The following FANCA variants were observed in gnomAD, a reference collection of about 807,000 sequenced individuals.
FANCA encodes Fanconi anemia group A protein.
A neutral mutation model predicts 194.3 loss-of-function variants in FANCA; 236 were observed. The observed-to-expected ratio is 1.21, with a 90% confidence interval of 1.09 to 1.35. The LOEUF (loss-of-function observed/expected upper bound fraction) is 1.35. FANCA is among the 40% of genes most tolerant of loss of function. The pLI is 0.00. For synonymous variants in FANCA, 1,014 were observed against 715.8 expected (o/e 1.42, Z -6.65); for missense variants, 2,628 against 1,813.9 (o/e 1.45, Z -8.15).
intron 42 of FANCA, 32 bp from the exon 43 acceptor site, chr16:89,738,740 C>G (rs778452514): frequency 6.2e-7 from 1 of 1,612,574 alleles, no homozygotes; most frequent in Non-Finnish European, 8.5e-7. Flanking sequence ...TCAGCCCATG[C>G]CGCCCACTAG....
chr16:89,802,710 C>T (rs2040499017), intron 8 of FANCA, among the ~76,000 whole-genome samples: 1 of 151,598 alleles, frequency 6.6e-6, no homozygotes, highest in Non-Finnish European at 1.5e-5. Flanking sequence ...GCCAGCTATT[C>T]TTTTTTTTTA....
intron 37 of FANCA, among the ~76,000 whole-genome samples, chr16:89,741,094 G>C (rs1333606617): frequency 6.6e-6 from 1 of 152,216 alleles, no homozygotes; most frequent in African/African-American, 2.4e-5. Context: ...GCTAGAAACA[G>C]TTTGAAAAAG....
chr16:89,805,021 A>G (rs1460373621), intron 7 of FANCA, among the ~76,000 whole-genome samples: 6 of 152,152 alleles, frequency 3.9e-5, no homozygotes, highest in Admixed American at 6.6e-5. Context: ...GGGCGACAGA[A>G]GGAAGCAGCT....
In FANCA at chr16:89,758,825, T is replaced by C. The variant is rs2038849097; in HGVS notation, c.2853-120A>G. ...GCACTAGTGAGAGCTGGGTTGAGAC[T>C]GGCGGCTCGGGACCTTGGAGTAGGG... On this transcript the variant is annotated intron_variant, in intron 29 of 42. Coordinates refer to ENST00000389301, the MANE Select transcript of FANCA (RefSeq NM_000135.4). 10 of 1,505,428 alleles carry C rather than the reference T, an allele frequency of 6.6e-6. 1 individual carries two copies. In the South Asian group the frequency reaches 1.1e-4, roughly 17 times the overall value. 93.3% of individuals were successfully genotyped at this position (1,505,428 alleles called of 1,614,324 possible). A position where few individuals can be genotyped will look rare whatever the true frequency, so the allele number is the denominator to read the frequency against.
At chr16:89,759,957 G>GCGGGACCGGGGTGCTCCACCCACGCTGTC (rs1355050505) in intron 29 of FANCA, among the ~76,000 whole-genome samples, 36 of 150,218 alleles carry the variant, frequency 2.4e-4, no homozygotes, top group East Asian at 2.4e-3. Context: ...CCCACGCTGT[G>GCGGGACCGGGGTGCTCCACCCACGCTGTC]CGGGACCGGG....
At chr16:89,782,711 C>A in intron 17 of FANCA, 148 bp downstream of exon 17, 1 of 704,560 alleles carries the variant, frequency 1.4e-6, no homozygotes, top group Non-Finnish European at 2.5e-6. Context: ...CACAGAGGCC[C>A]GCAGAGCCTC....
At chr16:89,786,058 A>AC (rs1460057144) in intron 14 of FANCA, among the ~76,000 whole-genome samples, 1 of 135,490 alleles carries the variant, frequency 7.4e-6, no homozygotes, top group African/African-American at 2.9e-5. Context: ...TCACTCTGTC[A>AC]TCCAGGCTGG....
Position 89,742,842 on chromosome 16 carries a change from G to A in FANCA, c.3723C>T (p.Asn1241=), listed in dbSNP as rs202107465. The A allele has an allele frequency of 3.9e-5, 63 of 1,614,138 alleles. No individual in the cohort carries two copies. In the Admixed American group the frequency reaches 1.0e-3, roughly 26 times the overall value. ...CCAGCTTCTTTAGCTGCTTCCTGAT[G>A]TTTTCTTCCCTGACTTGTTGAATCG... ...HFAIQQVREE[N]IRKQLKKLDC... The change falls in exon 37 of 43, where the codon AAC becomes AAT. Residue 1241 remains asparagine (N), a synonymous_variant. Transcript: ENST00000389301.
chr16:89,811,049 G>A lies in FANCA; in HGVS notation c.306C>T (p.Ala102=), dbSNP rs2040860509. Residue 102 remains alanine (A), a synonymous_variant, in exon 4 of 43, where the codon GCC becomes GCT. Coordinates refer to ENST00000389301, the MANE Select transcript of FANCA (RefSeq NM_000135.4). The part of the protein sequence containing the change: ...SFIGSALQDQ[A]SRLGVPVGIL... The stretch of plus-strand genomic sequence containing the variant: ...TACCCACGGGAACCCCCAGCCTTGA[G>A]GCTTGATCCTGCAAAGCAGAGCCTT... 1.2e-6 allele frequency: 2 copies of A among 1,614,012 alleles called. No homozygotes were observed. Among genetic ancestry groups the A allele is most frequent in the East Asian group, 2.2e-5 (1 of 44,892 alleles).
chr16:89,775,669 C>G, intron 21 of FANCA, 73 bp downstream of exon 21: 1 of 1,274,550 alleles, frequency 7.8e-7, no homozygotes, highest in South Asian at 1.3e-5. Flanking sequence ...GGTGGTGTAG[C>G]ACAACAGACA....
intron 12 of FANCA, among the ~76,000 whole-genome samples, 167 bp from the exon 13 acceptor site, chr16:89,792,235 G>A (rs951335078): frequency 6.6e-6 from 1 of 152,138 alleles, no homozygotes; most frequent in African/African-American, 2.4e-5. Context: ...TCCCCTCACA[G>A]TGGCCAGCAC....
chr16:89,808,243 A>G (rs2040739163), intron 6 of FANCA, 51 bp downstream of exon 6: 4 of 1,539,650 alleles, frequency 2.6e-6, no homozygotes, highest in East Asian at 4.5e-5. Flanking sequence ...TATAATTTAT[A>G]CTAGACTAGA....
intron 10 of FANCA, among the ~76,000 whole-genome samples, chr16:89,797,057 G>A (rs1445487491): frequency 6.6e-6 from 1 of 152,210 alleles, no homozygotes; most frequent in Non-Finnish European, 1.5e-5. Context: ...CTACTCGGGA[G>A]ACTGAGGCAG....
chr16:89,786,458 T>C (rs2039901896), intron 14 of FANCA, among the ~76,000 whole-genome samples: 1 of 152,190 alleles, frequency 6.6e-6, no homozygotes, highest in Non-Finnish European at 1.5e-5. Context: ...ATTACAGACA[T>C]GAGCCACCAC....
At chr16:89,769,255 G>C (rs1256259676) in intron 26 of FANCA, among the ~76,000 whole-genome samples, 1 of 152,202 alleles carries the variant, frequency 6.6e-6, no homozygotes, top group African/African-American at 2.4e-5. Flanking sequence ...ACTCCCACCA[G>C]AGTCTCCCAG....
Position 89,797,615 on chromosome 16 carries a change from C to T in FANCA, c.893+1551G>A, listed in dbSNP as rs544236978. Among the ~76,000 whole-genome samples the T allele has an allele frequency of 8.6e-4, 131 of 152,120 alleles. 2 individuals carry two copies. In the South Asian group the frequency reaches 0.026, roughly 30 times the overall value. ...TTGGCAGGCCAGGTGCGGTGGCTCA[C>T]GCCTGTAATCCCAGTACTTTGGGAG... is the stretch of plus-strand genomic sequence containing the variant. On this transcript the variant is annotated intron_variant, in intron 10 of 42. Coordinates refer to ENST00000389301, the MANE Select transcript of FANCA (RefSeq NM_000135.4).
chr16:89,814,347 G>T (rs563407521), intron 3 of FANCA, among the ~76,000 whole-genome samples, 173 bp downstream of exon 3: 7 of 152,132 alleles, frequency 4.6e-5, no homozygotes, highest in Admixed American at 2.6e-4. Flanking sequence ...ACACAGCATC[G>T]TAAGAAGCCC....
intron 29 of FANCA, among the ~76,000 whole-genome samples, chr16:89,761,066 T>C (rs2038933846): frequency 6.6e-6 from 1 of 152,116 alleles, no homozygotes; most frequent in Non-Finnish European, 1.5e-5. Context: ...CACTCTAGAA[T>C]TGTCTGCCAC....
Position 89,771,764 on chromosome 16 carries a change from C to T in FANCA, c.2065G>A (p.Gly689Ser). The T allele has an allele frequency of 6.2e-7, 1 of 1,614,032 alleles. No individual in the cohort carries two copies. The highest frequency in any genetic ancestry group is 8.5e-7 in the Non-Finnish European group (1 of 1,180,028). The change falls in exon 23 of 43, where the codon GGC (glycine) becomes AGC (serine). Residue 689 changes from glycine (G) to serine (S), a missense_variant. Physicochemically the swap from Gly to Ser is moderately conservative, Grantham distance 56. Transcript: ENST00000389301. ...ACGCTGCTGTCATCCTCATTGTGGC[C>T]CAGGACAGCCCTCAGTCTTTCAGAA... ...VISERLRAVL[G>S]HNEDDSSVEI...
Sources: allele counts gnomAD v4.1 joint callset (sites outside exome capture counted in the v4.1 genomes callset), GRCh38; gene constraint gnomAD v4.1.1; transcripts MANE v1.5; gene names NCBI Gene and HGNC (gene_info 2026-07-23, HGNC 2026-07-21).